The following GABRG3 variants were observed in gnomAD, a reference collection of about 807,000 sequenced individuals.
The protein encoded by GABRG3 is gamma-aminobutyric acid type A receptor subunit gamma3, also known as gamma-aminobutyric acid receptor subunit gamma-3.
In GABRG3, 25 loss-of-function variants were observed where a neutral mutation model predicts 48.8. That is an observed-to-expected ratio of 0.51 (90% CI 0.37 to 0.72). GABRG3 has a LOEUF of 0.72. GABRG3 is among the 30% of genes least tolerant of loss of function. GABRG3 has a pLI of 0.00. For missense variants in GABRG3, 394 were observed against 577.9 expected (o/e 0.68, Z 3.26); for synonymous variants, 227 against 217.6 (o/e 1.04, Z -0.38).
chr15:27,092,318 G>T (rs773627826), intron 3 of GABRG3, among the ~76,000 whole-genome samples: 3 of 152,168 alleles, frequency 2.0e-5, no homozygotes, highest in Admixed American at 6.5e-5. Flanking sequence ...ATGCTTCTTT[G>T]TGTGTGTGCA....
intron 5 of GABRG3, among the ~76,000 whole-genome samples, chr15:27,459,774 A>G (rs1197869586): frequency 6.6e-6 from 1 of 152,232 alleles, no homozygotes; most frequent in Non-Finnish European, 1.5e-5. Context: ...ACTTCCTTGT[A>G]AGTAAAATTA....
chr15:27,279,850 T>A (rs899387804), intron 3 of GABRG3, among the ~76,000 whole-genome samples: 2 of 152,202 alleles, frequency 1.3e-5, no homozygotes, highest in African/African-American at 4.8e-5. Flanking sequence ...ATTAGAGCAG[T>A]GACATCTGAA....
chr15:27,296,494 T>C (rs1157646129), intron 3 of GABRG3, among the ~76,000 whole-genome samples: 1 of 152,134 alleles, frequency 6.6e-6, no homozygotes, highest in Non-Finnish European at 1.5e-5. Context: ...ATGGTTAATA[T>C]AATAAATTCT....
At chr15:26,988,326 T>C (rs1222981037) in intron 2 of GABRG3, among the ~76,000 whole-genome samples, 1 of 152,326 alleles carries the variant, frequency 6.6e-6, no homozygotes, top group East Asian at 1.9e-4. Flanking sequence ...TTACCAGGGG[T>C]AAATGCATTT....
At chr15:27,249,447 G>A (rs898777084) in intron 3 of GABRG3, among the ~76,000 whole-genome samples, 1 of 152,210 alleles carries the variant, frequency 6.6e-6, no homozygotes, top group Non-Finnish European at 1.5e-5. Context: ...GACCATCTCT[G>A]TTTTATCAAT....
At chr15:27,307,244 A>G (rs1034540293) in intron 3 of GABRG3, among the ~76,000 whole-genome samples, 2 of 130,300 alleles carry the variant, frequency 1.5e-5, no homozygotes, top group Non-Finnish European at 3.2e-5. Context: ...ATATGTTTAT[A>G]TATAACCATG....
At chr15:27,389,715 C>T (rs1896163927) in intron 5 of GABRG3, among the ~76,000 whole-genome samples, 2 of 152,186 alleles carry the variant, frequency 1.3e-5, no homozygotes. Flanking sequence ...ATTCAAATGA[C>T]CCTTCGAGTT....
intron 5 of GABRG3, among the ~76,000 whole-genome samples, chr15:27,344,630 T>C (rs1894304351): frequency 6.6e-6 from 1 of 152,306 alleles, no homozygotes; most frequent in African/African-American, 2.4e-5. Context: ...CATACCAACA[T>C]CAAGCATACC....
At chr15:27,300,177 C>T (rs1180819231) in intron 3 of GABRG3, among the ~76,000 whole-genome samples, 1 of 152,114 alleles carries the variant, frequency 6.6e-6, no homozygotes, top group African/African-American at 2.4e-5. Flanking sequence ...AAAATATCAA[C>T]ATTTTCTACA....
intron 3 of GABRG3, among the ~76,000 whole-genome samples, chr15:27,307,449 A>C (rs1219502427): frequency 4.6e-5 from 3 of 65,584 alleles, no homozygotes; most frequent in African/African-American, 1.1e-4. Context: ...ATATATAAAC[A>C]TATAGGTTTA....
intron 3 of GABRG3, 69 bp downstream of exon 3, chr15:27,026,890 T>G: frequency 1.8e-6 from 2 of 1,095,988 alleles, no homozygotes; most frequent in Middle Eastern, 2.1e-4. Flanking sequence ...TCATTGTGGA[T>G]TTCTGTTTGA....
rs1392649996 is a variant in GABRG3 at position 27,306,361 on chromosome 15, A to G, written c.271-20448A>G. Among the ~76,000 whole-genome samples, 2 of 97,016 alleles carry G rather than the reference A, an allele frequency of 2.1e-5. 1 individual carries two copies. Among genetic ancestry groups the G allele is most frequent in the African/African-American group, 6.1e-5 (2 of 32,814 alleles). The allele number at this position is 97,016 out of a possible 152,430, so 63.6% of individuals were successfully genotyped here. A position where few individuals can be genotyped will look rare whatever the true frequency, so the allele number is the denominator to read the frequency against. ...AAAATATAAACATGTCTACATATAA[A>G]CATATATATAATATAAACATGTCTA... On this transcript the variant is annotated intron_variant, in intron 3 of 9. Coordinates refer to ENST00000615808, the MANE Select transcript of GABRG3 (RefSeq NM_033223.5).
At chr15:27,161,712 C>T (rs1249760637) in intron 3 of GABRG3, among the ~76,000 whole-genome samples, 2 of 151,610 alleles carry the variant, frequency 1.3e-5, no homozygotes, top group Non-Finnish European at 2.9e-5. Flanking sequence ...TTAATTTTTA[C>T]TTGTGGTATG....
intron 3 of GABRG3, among the ~76,000 whole-genome samples, chr15:27,128,174 C>T (rs532264894): frequency 6.6e-6 from 1 of 152,212 alleles, no homozygotes; most frequent in African/African-American, 2.4e-5. Context: ...TCAGCCTGGG[C>T]AACATAGTGA....
chr15:27,162,637 T>C (rs1429828327), intron 3 of GABRG3, among the ~76,000 whole-genome samples: 8 of 151,974 alleles, frequency 5.3e-5, no homozygotes, highest in Non-Finnish European at 1.2e-4. Flanking sequence ...AGAATTGGAA[T>C]AGGGAAAGAA....
chr15:27,493,105 A>G (rs1268171791), intron 6 of GABRG3, among the ~76,000 whole-genome samples: 2 of 152,322 alleles, frequency 1.3e-5, no homozygotes, highest in Admixed American at 1.3e-4. Context: ...ATGATTTAAA[A>G]TTTTGCTTTA....
chr15:27,117,485 T>C lies in GABRG3; in HGVS notation c.270+90664T>C, dbSNP rs562893703. The stretch of plus-strand genomic sequence containing the variant: ...TTGGTCCTCCTATACCATTTTGGGG[T>C]AGGGTTGGGTCAAAGGGACTCCCAT... On this transcript the variant is annotated intron_variant, in intron 3 of 9. Transcript: ENST00000615808. Among the ~76,000 whole-genome samples the C allele has an allele frequency of 8.5e-5, 13 of 152,098 alleles. No homozygotes were observed. In the East Asian group the frequency reaches 2.5e-3, roughly 29 times the overall value.
intron 6 of GABRG3, among the ~76,000 whole-genome samples, chr15:27,512,147 A>G (rs1273181138): frequency 6.6e-6 from 1 of 152,198 alleles, no homozygotes; most frequent in Non-Finnish European, 1.5e-5. Flanking sequence ...TAAAAGGATT[A>G]TGTTGGCTGT....
At chr15:27,102,553 C>T (rs1190068238) in intron 3 of GABRG3, among the ~76,000 whole-genome samples, 4 of 152,070 alleles carry the variant, frequency 2.6e-5, no homozygotes, top group Non-Finnish European at 5.9e-5. Context: ...CTATTATGGT[C>T]GTGGGGACTG....
Sources: gnomAD v4.1 joint callset for allele counts (sites outside exome capture counted in the v4.1 genomes callset) on GRCh38, gnomAD v4.1.1 for gene constraint, MANE v1.5 for transcripts, NCBI Gene and HGNC (gene_info 2026-07-23, HGNC 2026-07-21) for gene names.